Variants in CDK14 observed in about 807,000 individuals in gnomAD.
The protein encoded by CDK14 is cyclin dependent kinase 14.
CDK14 carries 34 observed loss-of-function variants against 60.7 expected under a neutral mutation model. The observed-to-expected ratio is 0.56, with a 90% CI of 0.43 to 0.75. The LOEUF (loss-of-function observed/expected upper bound fraction) is 0.75, where lower values mean the gene tolerates loss of function less well. Ranked by LOEUF, CDK14 falls within the 30% of genes least tolerant of loss-of-function variation. The pLI is 0.00. For missense variants in CDK14, 482 were observed against 564.1 expected (o/e 0.85, Z 1.47); for synonymous variants, 197 against 203.7 (o/e 0.97, Z 0.28).
intron 14 of CDK14, among the ~76,000 whole-genome samples, chr7:91,205,208 AAC>A (rs1202664975): frequency 6.6e-6 from 1 of 152,240 alleles, no homozygotes; most frequent in Admixed American, 6.5e-5. Flanking sequence ...AAGAATGGAA[AAC>A]AGTGTTTAAA....
At chr7:90,986,080 C>T (rs1795365708) in intron 10 of CDK14, among the ~76,000 whole-genome samples, 1 of 151,944 alleles carries the variant, frequency 6.6e-6, no homozygotes, top group South Asian at 2.1e-4. Flanking sequence ...AAAATTGAAT[C>T]ATATCTTGTA....
At chr7:90,628,575 A>T (rs544696561) in intron 2 of CDK14, among the ~76,000 whole-genome samples, 1 of 152,114 alleles carries the variant, frequency 6.6e-6, no homozygotes, top group East Asian at 1.9e-4. Context: ...AATTCCAGTG[A>T]TTGGGGAGGC....
chr7:90,819,091 A>C (rs1455452698), intron 5 of CDK14, among the ~76,000 whole-genome samples: 1 of 152,062 alleles, frequency 6.6e-6, no homozygotes, highest in Non-Finnish European at 1.5e-5. Flanking sequence ...GTACAGTGAT[A>C]TATTGTTTTG....
At chr7:90,870,774 A>T (rs907538144) in intron 6 of CDK14, among the ~76,000 whole-genome samples, 3 of 152,200 alleles carry the variant, frequency 2.0e-5, no homozygotes, top group Non-Finnish European at 4.4e-5. Flanking sequence ...TTAAAGGGTG[A>T]TGGGGGACAA....
In CDK14 at chr7:90,733,369, G is replaced by T. The variant is rs545465937; in HGVS notation, c.369+6557G>T. Among the ~76,000 whole-genome samples the T allele has an allele frequency of 2.6e-5, 4 of 152,300 alleles. No individual in the cohort carries two copies. In the South Asian group the frequency reaches 8.3e-4, roughly 32 times the overall value. On this transcript the variant is annotated intron_variant, in intron 3 of 14. Coordinates refer to ENST00000380050, the MANE Select transcript of CDK14 (RefSeq NM_001287135.2). ...ATTTAGGTCTGTTTGGTCCAGAGCT[G>T]AGTTCAAGTCCTAGATATTTTTGTT...
chr7:90,849,890 G>C (rs1042105535), intron 5 of CDK14, among the ~76,000 whole-genome samples: 8 of 151,988 alleles, frequency 5.3e-5, no homozygotes, highest in African/African-American at 1.9e-4. Flanking sequence ...CTTATCTCAT[G>C]CTGAATAAAA....
chr7:90,743,445 T>C (rs1210029831), intron 3 of CDK14, among the ~76,000 whole-genome samples: 1 of 152,184 alleles, frequency 6.6e-6, no homozygotes, highest in Non-Finnish European at 1.5e-5. Context: ...ACCTAATCTA[T>C]GATTTTTTTT....
At chr7:91,151,573 G>T (rs1329678942) in intron 14 of CDK14, among the ~76,000 whole-genome samples, 1 of 152,026 alleles carries the variant, frequency 6.6e-6, no homozygotes, top group Non-Finnish European at 1.5e-5. Context: ...TCTTAACAAT[G>T]CTATTTTAAA....
At chr7:90,659,530 G>C (rs1376167987) in intron 2 of CDK14, among the ~76,000 whole-genome samples, 1 of 152,100 alleles carries the variant, frequency 6.6e-6, no homozygotes, top group Non-Finnish European at 1.5e-5. Flanking sequence ...ATAATTCCAT[G>C]AATGTTGCCA....
chr7:91,195,127 A>G (rs775703564), intron 14 of CDK14, among the ~76,000 whole-genome samples: 3 of 152,244 alleles, frequency 2.0e-5, no homozygotes, highest in Non-Finnish European at 4.4e-5. Context: ...TGAATGTCTT[A>G]TTCATCAAAC....
intron 4 of CDK14, among the ~76,000 whole-genome samples, chr7:90,789,916 A>G (rs920193498): frequency 1.4e-4 from 22 of 152,116 alleles, no homozygotes; most frequent in Non-Finnish European, 4.4e-5. Flanking sequence ...AATTGGCGCC[A>G]ACACATATTT....
chr7:90,747,818 C>A, intron 4 of CDK14, 43 bp downstream of exon 4: 1 of 953,862 alleles, frequency 1.0e-6, no homozygotes, highest in Non-Finnish European at 1.5e-6. Context: ...TACAGTGTAT[C>A]TGCCCTCTTA....
chr7:91,178,860 G>A (rs1462617585), intron 14 of CDK14, among the ~76,000 whole-genome samples: 2 of 151,896 alleles, frequency 1.3e-5, no homozygotes, highest in Non-Finnish European at 2.9e-5. Flanking sequence ...ACTGTTGATG[G>A]GACTGTAAAC....
intron 8 of CDK14, among the ~76,000 whole-genome samples, chr7:90,939,294 CAT>C (rs1793845126): frequency 6.6e-6 from 1 of 152,194 alleles, no homozygotes; most frequent in South Asian, 2.1e-4. Flanking sequence ...AAAACTAGGA[CAT>C]GTGCTTCAGA....
intron 2 of CDK14, among the ~76,000 whole-genome samples, chr7:90,643,772 C>G (rs1800399322): frequency 6.6e-6 from 1 of 152,176 alleles, no homozygotes; most frequent in South Asian, 2.1e-4. Flanking sequence ...GCCAACAGCC[C>G]TACTCTGGGC....
chr7:91,182,214 C>T (rs1230876257), intron 14 of CDK14, among the ~76,000 whole-genome samples: 1 of 152,020 alleles, frequency 6.6e-6, no homozygotes, highest in Non-Finnish European at 1.5e-5. Flanking sequence ...ATTTTTTCTT[C>T]CTTTTTTCTC....
At chr7:90,597,833 GT>G (rs11351927) in intron 1 of CDK14, among the ~76,000 whole-genome samples, 56,816 of 138,386 alleles carry the variant, frequency 0.41, 10,058 homozygotes, top group Non-Finnish European at 0.44. Context: ...ATTTAGCCAA[GT>G]TTTTTTTTTT....
intron 11 of CDK14, among the ~76,000 whole-genome samples, chr7:91,061,671 A>C (rs1182612637): frequency 6.6e-6 from 1 of 152,150 alleles, no homozygotes; most frequent in Non-Finnish European, 1.5e-5. Context: ...TCCACTCCAG[A>C]CCCTGTTTGC....
chr7:90,927,099 A>G (rs1793440899), intron 8 of CDK14, among the ~76,000 whole-genome samples: 1 of 152,128 alleles, frequency 6.6e-6, no homozygotes, highest in African/African-American at 2.4e-5. Context: ...TGAACCCATC[A>G]TTTAGGGGTT....
Sources: allele counts gnomAD v4.1 joint callset (sites outside exome capture counted in the v4.1 genomes callset), GRCh38; gene constraint gnomAD v4.1.1; transcripts MANE v1.5; gene names NCBI Gene and HGNC (gene_info 2026-07-23, HGNC 2026-07-21).